DYNC2H1: variants seen among roughly 807,000 people sequenced by gnomAD.
DYNC2H1 encodes dynein cytoplasmic 2 heavy chain 1.
In DYNC2H1, 410 loss-of-function variants were observed where a neutral mutation model predicts 570.0. The observed-to-expected ratio is 0.72, with a 90% CI of 0.66 to 0.78. The LOEUF (loss-of-function observed/expected upper bound fraction) is 0.78. Among genes scored for constraint, DYNC2H1 ranks in the 30% least tolerant of loss-of-function variants. The pLI, the probability that DYNC2H1 is intolerant of heterozygous loss-of-function variation, is 0.00. For missense variants in DYNC2H1, 4,865 were observed against 5,046.4 expected, an observed-to-expected ratio of 0.96 and a Z score of 1.09; for synonymous variants, 1,688 against 1,677.6, an observed-to-expected ratio of 1.01 and a Z score of -0.15.
intron 82 of DYNC2H1, among the ~76,000 whole-genome samples, chr11:103,351,206 C>T (rs143903601): frequency 9.9e-4 from 151 of 152,156 alleles, no homozygotes; most frequent in Middle Eastern, 3.4e-3. Flanking sequence ...TGTTTGTAGA[C>T]GGTGCTGGCT....
intron 83 of DYNC2H1, among the ~76,000 whole-genome samples, chr11:103,394,569 A>T (rs1942311074): frequency 6.6e-6 from 1 of 151,888 alleles, no homozygotes; most frequent in Non-Finnish European, 1.5e-5. Context: ...TAAAAAAGGA[A>T]AGAAAATAGC....
At chr11:103,142,540 T>A (rs1860004374) in intron 17 of DYNC2H1, among the ~76,000 whole-genome samples, 1 of 152,042 alleles carries the variant, frequency 6.6e-6, no homozygotes, top group Non-Finnish European at 1.5e-5. Flanking sequence ...ATGGTGGTGG[T>A]CACCTGTAAT....
chr11:103,138,485 C>T (rs1008572445), intron 17 of DYNC2H1, among the ~76,000 whole-genome samples: 3 of 152,026 alleles, frequency 2.0e-5, no homozygotes, highest in Non-Finnish European at 4.4e-5. Context: ...TGGTTTTTGT[C>T]TTTGGTTCTG....
chr11:103,152,343 T>C, intron 21 of DYNC2H1, 58 bp downstream of exon 21: 1 of 1,483,816 alleles, frequency 6.7e-7, no homozygotes, highest in Non-Finnish European at 9.1e-7. Flanking sequence ...TAAGATTTCT[T>C]GCTTATCTTT....
chr11:103,359,332 T>C (rs892218533), intron 83 of DYNC2H1, among the ~76,000 whole-genome samples: 1 of 152,208 alleles, frequency 6.6e-6, no homozygotes, highest in Non-Finnish European at 1.5e-5. Context: ...TTAAACTACA[T>C]TCTTTGAAGT....
At chr11:103,365,727 G>C (rs1365247320) in intron 83 of DYNC2H1, among the ~76,000 whole-genome samples, 1 of 152,064 alleles carries the variant, frequency 6.6e-6, no homozygotes, top group Non-Finnish European at 1.5e-5. Flanking sequence ...CCCTTCAAAA[G>C]GTTTGAACAT....
chr11:103,207,422 A>T (rs2915256), intron 52 of DYNC2H1, among the ~76,000 whole-genome samples: 128,260 of 151,928 alleles, frequency 0.84, 55,348 homozygotes, highest in Non-Finnish European at 0.92. Flanking sequence ...TTCCTATGAG[A>T]ATGGAGGAAT....
intron 84 of DYNC2H1, among the ~76,000 whole-genome samples, chr11:103,417,053 A>G (rs1943309689): frequency 6.6e-6 from 1 of 152,188 alleles, no homozygotes; most frequent in East Asian, 1.9e-4. Context: ...TCATTAAGGA[A>G]ATGCAAATCA....
rs189560985 is a variant in DYNC2H1, at chr11:103,117,270, A to T, written c.767-361A>T. Among the ~76,000 whole-genome samples, 1,335 of 146,842 alleles carry T rather than the reference A, an allele frequency of 9.1e-3. 19 individuals are homozygous for T. The highest frequency in any genetic ancestry group is 0.03 in the African/African-American group (1,211 of 40,514). ...TAATATATATATTTTATATATATAT[A>T]TTTTTTAATATATATATTTTTATTA... is the stretch of plus-strand genomic sequence containing the variant. On this transcript the variant is annotated intron_variant, in intron 5 of 88. Coordinates refer to ENST00000375735, the MANE Select transcript of DYNC2H1 (RefSeq NM_001377.3).
At chr11:103,154,344 TG>T (rs1860707930) in intron 22 of DYNC2H1, 106 bp from the exon 23 acceptor site, 14 of 380,636 alleles carry the variant, frequency 3.7e-5, no homozygotes, top group Admixed American at 1.3e-4. Flanking sequence ...CATACACAAG[TG>T]TGTGTGTACA....
In DYNC2H1 at chr11:103,168,749, G is replaced by A. The variant is rs1861439471; in HGVS notation, c.4763-6G>A. On this transcript the variant is annotated splice_region_variant and splice_polypyrimidine_tract_variant and intron_variant, in intron 31 of 88. Transcript: ENST00000375735. ...TCCAATTGTCAATATTTTTATTTCTGCCTAGAATCGGGCATCCTGGAGCTT... is the reference window on the plus strand; with the variant it reads ...TCCAATTGTCAATATTTTTATTTCTACCTAGAATCGGGCATCCTGGAGCTT... 6.2e-7 allele frequency: 1 copy of A among 1,610,712 alleles called. No homozygotes were observed. Among genetic ancestry groups the A allele is most frequent in the South Asian group, 1.1e-5 (1 of 90,648 alleles).
In DYNC2H1 at chr11:103,357,351, G is replaced by C. The variant is rs117887499; in HGVS notation, c.12040-892G>C. ...ATATTTACCTTGCCTTGTTTGAATT[G>C]ATTGACCCATACTTTTTTCATTAGA... On this transcript the variant is annotated intron_variant, in intron 82 of 88. Transcript: ENST00000375735. Among the ~76,000 whole-genome samples, 771 of 152,190 alleles carry C rather than the reference G, an allele frequency of 5.1e-3. 3 individuals carry two copies. The highest frequency in any genetic ancestry group is 7.4e-3 in the Non-Finnish European group (506 of 67,986).
chr11:103,389,678 G>A (rs1942049556), intron 83 of DYNC2H1, among the ~76,000 whole-genome samples: 1 of 151,654 alleles, frequency 6.6e-6, no homozygotes, highest in Admixed American at 6.6e-5. Context: ...ATGTGTCCCA[G>A]AGATTCTGGT....
chr11:103,380,817 C>T (rs960971862), intron 83 of DYNC2H1, among the ~76,000 whole-genome samples: 2 of 152,200 alleles, frequency 1.3e-5, no homozygotes, highest in African/African-American at 4.8e-5. Context: ...CTGCCTCAGC[C>T]TCCCAAAATG....
chr11:103,434,256 A>G (rs1359994487), intron 84 of DYNC2H1, among the ~76,000 whole-genome samples: 1 of 152,064 alleles, frequency 6.6e-6, no homozygotes, highest in African/African-American at 2.4e-5. Context: ...GGAGTTTGCT[A>G]TGAATCTCAT....
chr11:103,217,215 C>CT lies in DYNC2H1; in HGVS notation c.8832+1370dup, dbSNP rs1177201685. On this transcript the variant is annotated intron_variant, in intron 55 of 88. Transcript: ENST00000375735. The stretch of plus-strand genomic sequence containing the variant: ...AACAAAGTTATGGGAGTTAGGATTT[C>CT]TTTTTTTTTTTTTGAGACGGAGTCT... 6.9e-4 allele frequency among the ~76,000 whole-genome samples: 13 copies of CT among 18,892 alleles called. 2 individuals carry two copies. The highest frequency in any genetic ancestry group is 9.9e-4 in the South Asian group (1 of 1,006). The allele number at this position is 18,892 out of a possible 152,430, so 12.4% of individuals were successfully genotyped here. A position where few individuals can be genotyped will look rare whatever the true frequency, so the allele number is the denominator to read the frequency against.
At chr11:103,320,667 T>G (rs1289257401) in intron 80 of DYNC2H1, among the ~76,000 whole-genome samples, 1 of 152,184 alleles carries the variant, frequency 6.6e-6, no homozygotes, top group Non-Finnish European at 1.5e-5. Flanking sequence ...GGCAGATAAT[T>G]CAGATAATCT....
chr11:103,188,893 C>T (rs908525406), intron 44 of DYNC2H1, among the ~76,000 whole-genome samples: 7 of 151,910 alleles, frequency 4.6e-5, no homozygotes, highest in African/African-American at 1.7e-4. Flanking sequence ...TTTGTGTAGT[C>T]TGTGTTCCAA....
chr11:103,397,464 G>A lies in DYNC2H1; in HGVS notation c.12157-2199G>A, dbSNP rs182483222. 1.2e-3 allele frequency among the ~76,000 whole-genome samples: 185 copies of A among 152,258 alleles called. 1 individual carries two copies. Among genetic ancestry groups the A allele is most frequent in the Non-Finnish European group, 2.1e-3 (143 of 68,030 alleles). ...ATGTTGAGTTTATTTTCAAGACTAC[G>A]TAACATACAATTTAACATGTTGCTA... On this transcript the variant is annotated intron_variant, in intron 83 of 88. Transcript: ENST00000375735.
Sources: gnomAD v4.1 joint callset for allele counts (sites outside exome capture counted in the v4.1 genomes callset) on GRCh38, gnomAD v4.1.1 for gene constraint, MANE v1.5 for transcripts, NCBI Gene and HGNC (gene_info 2026-07-23, HGNC 2026-07-21) for gene names.